The following YY1AP1 variants were observed in gnomAD, a reference collection of about 807,000 sequenced individuals.
YY1AP1 encodes YY1 associated protein 1.
In YY1AP1, 43 loss-of-function variants were observed where a neutral mutation model predicts 39.9. The ratio of observed to expected loss-of-function variants is 1.08; its 90% confidence interval spans 0.84 to 1.39. The LOEUF (loss-of-function observed/expected upper bound fraction) is 1.39. Among genes scored for constraint, YY1AP1 ranks in the 40% most tolerant of loss-of-function variants. YY1AP1 has a pLI of 0.00. For synonymous variants in YY1AP1, 292 were observed against 331.3 expected (o/e 0.88, Z 1.29); for missense variants, 813 against 900.7 (o/e 0.90, Z 1.25).
In YY1AP1 at chr1:155,662,187, A is replaced by T. The variant is rs148790611; in HGVS notation, c.880-764T>A. 4.5e-3 allele frequency among the ~76,000 whole-genome samples: 691 copies of T among 152,168 alleles called. 6 individuals carry two copies. Among genetic ancestry groups the T allele is most frequent in the African/African-American group, 0.016 (651 of 41,534 alleles). On this transcript the variant is annotated intron_variant, in intron 9 of 10. Transcript: ENST00000355499. ...GAAGGAAAAAAAAAAAGACCGAGGC[A>T]GTTCAGTTTTAAGAGTAAATAGGCT...
chr1:155,660,981 A>G, intron 10 of YY1AP1, 68 bp from the exon 11 acceptor site: 1 of 1,610,180 alleles, frequency 6.2e-7, no homozygotes, highest in Non-Finnish European at 8.5e-7. Context: ...GGACTTTCTA[A>G]GTTTAGGGAC....
chr1:155,665,942 C>T (rs535916759), intron 9 of YY1AP1, among the ~76,000 whole-genome samples: 3 of 152,082 alleles, frequency 2.0e-5, no homozygotes, highest in East Asian at 1.9e-4. Context: ...GAGAGCAACA[C>T]GCTTAAAGTG....
Position 155,688,742 on chromosome 1 carries a change from C to T in YY1AP1, c.-235G>A. ...CCGCCCGCACGGCCACCAACCGCCG[C>T]CAAAGCAGCCGCCGCCAGCACCCCC... On this transcript the variant is annotated 5_prime_UTR_variant, in exon 1 of 11. Transcript: ENST00000355499. 1 of 1,518,068 alleles carries T rather than the reference C, an allele frequency of 6.6e-7. No individual in the cohort carries two copies. Among genetic ancestry groups the T allele is most frequent in the South Asian group, 1.2e-5 (1 of 81,714 alleles). 94.0% of individuals were successfully genotyped at this position (1,518,068 alleles called of 1,614,324 possible).
chr1:155,665,000 G>A (rs143582530), intron 9 of YY1AP1, among the ~76,000 whole-genome samples: 2,486 of 151,814 alleles, frequency 0.016, 35 homozygotes, highest in Middle Eastern at 0.027. Flanking sequence ...TCGATTTCCC[G>A]ACCTCGTGAT....
chr1:155,666,215 G>A (rs544933294), intron 9 of YY1AP1, among the ~76,000 whole-genome samples: 8 of 151,808 alleles, frequency 5.3e-5, no homozygotes, highest in East Asian at 1.9e-4. Context: ...TCCACCTCCC[G>A]GGTTCACACC....
intron 1 of YY1AP1, 76 bp from the exon 2 acceptor site, chr1:155,688,277 A>C (rs1571385191): frequency 6.3e-7 from 1 of 1,590,716 alleles, no homozygotes; most frequent in Non-Finnish European, 8.6e-7. Flanking sequence ...GGATCCCGCA[A>C]CCGACACTGG....
Position 155,660,788 on chromosome 1 carries a change from C to G in YY1AP1, c.1122G>C (p.Leu374Phe). 1 of 1,614,180 alleles carries G rather than the reference C, an allele frequency of 6.2e-7. No individual in the cohort carries two copies. The highest frequency in any genetic ancestry group is 8.5e-7 in the Non-Finnish European group (1 of 1,180,034). ...GCAGTGGGTACCGAGTTTCACTCCC[C>G]AACTCTGAGTTGTCTTTTTCTAGGC... is the stretch of plus-strand genomic sequence containing the variant. ...DQGLEKDNSE[L>F]GSETRYPLLL... is the part of the protein sequence containing the mutation. The change falls in exon 11 of 11, where the codon TTG becomes TTC. Residue 374 changes from leucine (L) to phenylalanine (F), a missense_variant. This residue lies in a region of YY1AP1 where 586 missense variants were observed against 647.4 expected (regional missense o/e 0.91). Coordinates refer to ENST00000355499, the MANE Select transcript of YY1AP1 (RefSeq NM_139119.3).
At chr1:155,669,197 C>T (rs569720003) in intron 8 of YY1AP1, among the ~76,000 whole-genome samples, 1 of 152,320 alleles carries the variant, frequency 6.6e-6, no homozygotes, top group South Asian at 2.1e-4. Flanking sequence ...CCATGCCTAA[C>T]TAATGTTTTA....
intron 2 of YY1AP1, among the ~76,000 whole-genome samples, chr1:155,685,790 C>CAT (rs1337674041): frequency 1.3e-5 from 2 of 152,004 alleles, no homozygotes; most frequent in African/African-American, 2.4e-5. Flanking sequence ...TTCCTAAAAT[C>CAT]ATATATATAA....
Position 155,668,749 on chromosome 1 carries a change from C to G in YY1AP1, c.757G>C (p.Glu253Gln), listed in dbSNP as rs1281412262. ...AGAGGGTTAAGAAACTCAGTCCCTT[C>G]AAAATGCTTCAGTCCTAAAGCTAAC... The part of the protein sequence containing the change: ...NLLALGLKHF[E>Q]GTEFLNPLIS... The change falls in exon 9 of 11, where the codon GAA becomes CAA. Residue 253 changes from glutamate to glutamine, a missense_variant. Glu to Gln is a conservative substitution (Grantham distance 29, BLOSUM62 2). Coordinates refer to ENST00000355499, the MANE Select transcript of YY1AP1 (RefSeq NM_139119.3). 6.2e-7 allele frequency: 1 copy of G among 1,614,178 alleles called. No individual in the cohort carries two copies. Among genetic ancestry groups the G allele is most frequent in the Admixed American group, 1.7e-5 (1 of 60,028 alleles).
At chr1:155,674,645 G>C (rs11802649) in intron 6 of YY1AP1, 15,020 of 194,966 alleles carry the variant, frequency 0.077, 2,554 homozygotes, top group African/African-American at 0.34. Flanking sequence ...TGGCCAACAT[G>C]GCAAAACCCT....
rs932030700 is a variant in YY1AP1, at chr1:155,675,068, A to C, written c.353T>G (p.Leu118Arg). 6.2e-7 allele frequency: 1 copy of C among 1,613,828 alleles called. No homozygotes were observed. Among genetic ancestry groups the C allele is most frequent in the Admixed American group, 1.7e-5 (1 of 60,000 alleles). ...QHVQLLTQIHLLATCNPNLNP... is the reference protein window; with the variant it reads ...QHVQLLTQIHRLATCNPNLNP... ...GAGATTGGGGTTGCAGGTGGCAAGAAGGTGGATTTGTGTCAAGAGCTGAAC... is the reference window on the plus strand; with the variant it reads ...GAGATTGGGGTTGCAGGTGGCAAGACGGTGGATTTGTGTCAAGAGCTGAAC... The change falls in exon 6 of 11, where the codon CTT (leucine) becomes CGT (arginine). Residue 118 changes from leucine to arginine, a missense_variant. Leu to Arg is a moderately radical substitution (Grantham distance 102). Coordinates refer to ENST00000355499, the MANE Select transcript of YY1AP1 (RefSeq NM_139119.3).
At chr1:155,675,603 T>C (rs1346462784) in intron 5 of YY1AP1, among the ~76,000 whole-genome samples, 3 of 152,022 alleles carry the variant, frequency 2.0e-5, no homozygotes, top group East Asian at 3.9e-4. Flanking sequence ...GGATTACAGG[T>C]GTGAGCCACT....
In YY1AP1 at chr1:155,679,405, C is replaced by G; in HGVS notation, c.125+4G>C. 2 of 1,614,154 alleles carry G rather than the reference C, an allele frequency of 1.2e-6. No homozygotes were observed. The highest frequency in any genetic ancestry group is 2.2e-5 in the East Asian group (1 of 44,892). On this transcript the variant is annotated splice_donor_region_variant and intron_variant, in intron 4 of 10. Transcript: ENST00000355499. ...CCAAATCTCAAGGTCTTCAACTAGC[C>G]TACCGTAGAGCTTGAGGGGTGTTAA...
At chr1:155,673,587 C>T (rs551561792) in intron 6 of YY1AP1, among the ~76,000 whole-genome samples, 9 of 152,064 alleles carry the variant, frequency 5.9e-5, no homozygotes, top group Non-Finnish European at 1.3e-4. Context: ...CACTCTGTCA[C>T]CCAGGCTGGA....
At position 155,660,444 on chromosome 1, in the gene YY1AP1, T is replaced by G; in HGVS notation, c.1466A>C (p.Glu489Ala). Reference protein sequence around the residue: ...SPAALPAMPPEARTSFPLSES... With the variant: ...SPAALPAMPPAARTSFPLSES... ...AGACAGAGGGAAGCTTGTCCTGGCCTCAGGGGGCATAGCAGGCAGTGCTGC... is the reference window on the plus strand; with the variant it reads ...AGACAGAGGGAAGCTTGTCCTGGCCGCAGGGGGCATAGCAGGCAGTGCTGC... Residue 489 changes from glutamate (E) to alanine (A), a missense_variant, in exon 11 of 11, where the codon GAG (glutamate) becomes GCG (alanine). Glu to Ala is a moderately radical substitution (Grantham distance 107, BLOSUM62 -1). Around this residue, in one of 3 missense-constraint regions of YY1AP1, gnomAD observed 586 missense variants for 647.4 expected, o/e 0.91. Transcript: ENST00000355499. The G allele has an allele frequency of 6.2e-7, 1 of 1,614,106 alleles. No homozygotes were observed.
At chr1:155,683,684 A>G (rs1651830090) in intron 2 of YY1AP1, among the ~76,000 whole-genome samples, 1 of 151,872 alleles carries the variant, frequency 6.6e-6, no homozygotes, top group Non-Finnish European at 1.5e-5. Context: ...CAAAAAAAAC[A>G]ACAACAAGTG....
intron 6 of YY1AP1, among the ~76,000 whole-genome samples, chr1:155,672,972 C>T (rs1650077626): frequency 1.3e-5 from 2 of 152,018 alleles, no homozygotes; most frequent in Non-Finnish European, 2.9e-5. Flanking sequence ...GTCTAGCTCC[C>T]GAGCTAGAAT....
chr1:155,672,180 G>C, intron 7 of YY1AP1: 2 of 306,610 alleles, frequency 6.5e-6, no homozygotes, highest in Non-Finnish European at 1.3e-5. Flanking sequence ...TCTTAATGAA[G>C]AGAATAAAAA....
Sources: allele counts gnomAD v4.1 joint callset (sites outside exome capture counted in the v4.1 genomes callset), GRCh38; gene constraint gnomAD v4.1.1; regional missense constraint gnomAD v4.1.1; transcripts MANE v1.5; gene names NCBI Gene and HGNC (gene_info 2026-07-23, HGNC 2026-07-21).